The following EXT2 variants were observed in gnomAD, a reference collection of about 807,000 sequenced individuals.
EXT2 encodes the protein exostosin-2.
EXT2 carries 53 observed loss-of-function variants against 81.6 expected under a neutral mutation model. The observed-to-expected ratio is 0.65, with a 90% confidence interval of 0.52 to 0.82. EXT2 has a LOEUF of 0.82. Ranked by LOEUF, EXT2 falls within the 40% of genes least tolerant of loss-of-function variation. The pLI, the probability that EXT2 is intolerant of heterozygous loss-of-function variation, is 0.00. For synonymous variants in EXT2, 320 were observed against 340.0 expected (o/e 0.94, Z 0.65); for missense variants, 774 against 910.2 (o/e 0.85, Z 1.93).
intron 8 of EXT2, 72 bp from the exon 9 acceptor site, chr11:44,197,755 GTT>G: frequency 6.6e-7 from 1 of 1,518,020 alleles, no homozygotes; most frequent in African/African-American, 1.4e-5. Context: ...CCATGTTTGG[GTT>G]TGCTGACGAT....
In EXT2 at chr11:44,119,161, T is replaced by C. The variant is rs1281581754; in HGVS notation, c.743+4860T>C. 8.5e-4 allele frequency among the ~76,000 whole-genome samples: 40 copies of C among 46,922 alleles called. 1 individual carries two copies. Among genetic ancestry groups the C allele is most frequent in the African/African-American group, 2.4e-3 (39 of 15,922 alleles). 30.8% of individuals were successfully genotyped at this position (46,922 alleles called of 152,430 possible). ...ATATATATATATATATATATATATA[T>C]ATATATATACACATACACACACACA... On this transcript the variant is annotated intron_variant, in intron 4 of 13. Transcript: ENST00000533608.
intron 7 of EXT2, among the ~76,000 whole-genome samples, chr11:44,165,917 G>A (rs1245429798): frequency 6.6e-6 from 1 of 152,178 alleles, no homozygotes; most frequent in African/African-American, 2.4e-5. Flanking sequence ...TAGGAGTCAT[G>A]GATTTGGATT....
At chr11:44,239,399 T>TTC (rs2135273987) in intron 13 of EXT2, among the ~76,000 whole-genome samples, 1 of 148,984 alleles carries the variant, frequency 6.7e-6, no homozygotes, top group East Asian at 2.0e-4. Flanking sequence ...TATACTTTTT[T>TTC]TTTTTTTTTT....
At chr11:44,150,744 G>A (rs1954781530) in intron 7 of EXT2, among the ~76,000 whole-genome samples, 1 of 152,178 alleles carries the variant, frequency 6.6e-6, no homozygotes, top group Non-Finnish European at 1.5e-5. Flanking sequence ...GGACACATGG[G>A]CCTTACTCTA....
chr11:44,120,606 A>G (rs1954302361), intron 4 of EXT2, among the ~76,000 whole-genome samples: 1 of 152,236 alleles, frequency 6.6e-6, no homozygotes, highest in South Asian at 2.1e-4. Context: ...ATCTCATGGC[A>G]GTGTTTTGGG....
chr11:44,176,316 G>A, intron 8 of EXT2, among the ~76,000 whole-genome samples: 1 of 152,062 alleles, frequency 6.6e-6, no homozygotes, highest in East Asian at 1.9e-4. Context: ...AGGTAGGCTA[G>A]GAAAAATAGA....
rs1956128923 is a variant in EXT2, at chr11:44,250,367, C to T, written c.*6080C>T. Among the ~76,000 whole-genome samples the T allele has an allele frequency of 6.6e-6, 1 of 152,260 alleles. No individual in the cohort carries two copies. Among genetic ancestry groups the T allele is most frequent in the Admixed American group, 6.5e-5 (1 of 15,282 alleles). ...TCCCTTGACCATGCCTTAGTTTCCT[C>T]AGCCAGAAATTGGAGACAGCAAGAG... On this transcript the variant is annotated 3_prime_UTR_variant, in exon 14 of 14. Coordinates refer to ENST00000533608, the MANE Select transcript of EXT2 (RefSeq NM_207122.2).
rs146603543 is a variant in EXT2 at position 44,231,430 on chromosome 11, T to C, written c.1663-923T>C. ...TTAGGTTTGTTTATCCAGGTGGAGA[T>C]ATTAACTAAGTGGTTGGCTATCTTA... On this transcript the variant is annotated intron_variant, in intron 10 of 13. Coordinates refer to ENST00000533608, the MANE Select transcript of EXT2 (RefSeq NM_207122.2). 5.9e-5 allele frequency among the ~76,000 whole-genome samples: 9 copies of C among 152,318 alleles called. No individual in the cohort carries two copies. The East Asian group carries it at 1.7e-3, about 29-fold the overall frequency.
chr11:44,200,983 G>A (rs1955515314), intron 9 of EXT2, among the ~76,000 whole-genome samples: 1 of 152,162 alleles, frequency 6.6e-6, no homozygotes, highest in African/African-American at 2.4e-5. Context: ...CTGGACTAAA[G>A]CTCATACTGT....
intron 6 of EXT2, among the ~76,000 whole-genome samples, chr11:44,128,754 G>T (rs1954445970): frequency 6.6e-6 from 1 of 152,198 alleles, no homozygotes. Context: ...GAGATAACCA[G>T]CTCTCTCACT....
intron 13 of EXT2, among the ~76,000 whole-genome samples, chr11:44,242,382 C>T (rs1389470730): frequency 6.6e-6 from 1 of 152,162 alleles, no homozygotes; most frequent in Non-Finnish European, 1.5e-5. Context: ...CATCTTTTCC[C>T]AGTCTCCCTT....
intron 8 of EXT2, among the ~76,000 whole-genome samples, chr11:44,183,122 A>G (rs183760698): frequency 3.4e-4 from 52 of 152,358 alleles, no homozygotes; most frequent in African/African-American, 8.9e-4. Flanking sequence ...TGTGTTCTCA[A>G]TGTATCATAT....
intron 11 of EXT2, among the ~76,000 whole-genome samples, 168 bp downstream of exon 11, chr11:44,232,664 G>A (rs1158975457): frequency 2.0e-5 from 3 of 152,118 alleles, no homozygotes; most frequent in Non-Finnish European, 2.9e-5. Flanking sequence ...AGTAATGCAC[G>A]CTCATAGTAG....
intron 7 of EXT2, among the ~76,000 whole-genome samples, chr11:44,152,013 T>G (rs1241634667): frequency 6.6e-6 from 1 of 152,228 alleles, no homozygotes; most frequent in African/African-American, 2.4e-5. Context: ...TCTATGTATG[T>G]TCTTTGGTAA....
intron 7 of EXT2, among the ~76,000 whole-genome samples, chr11:44,165,120 C>T (rs537801088): frequency 5.4e-4 from 82 of 152,176 alleles, no homozygotes; most frequent in African/African-American, 1.9e-3. Context: ...CCTCGTGATC[C>T]GCCCGCCTCG....
rs148198292 is a variant in EXT2, at chr11:44,132,908, C to T, written c.1173+2770C>T. Among the ~76,000 whole-genome samples the T allele has an allele frequency of 8.8e-3, 1,341 of 152,276 alleles. 23 individuals are homozygous for T. Among genetic ancestry groups the T allele is most frequent in the African/African-American group, 0.03 (1,247 of 41,542 alleles). ...AAATGACCTCTTTTCTTTTCCTAAC[C>T]CCACATTTCTAGAGTGGGCTGATCT... is the stretch of plus-strand genomic sequence containing the variant. On this transcript the variant is annotated intron_variant, in intron 7 of 13. Transcript: ENST00000533608.
In EXT2 at chr11:44,244,410, A is replaced by T; in HGVS notation, c.*123A>T. The T allele has an allele frequency of 9.5e-7, 1 of 1,053,176 alleles. No homozygotes were observed. 65.2% of individuals were successfully genotyped at this position (1,053,176 alleles called of 1,614,324 possible). On this transcript the variant is annotated 3_prime_UTR_variant, in exon 14 of 14. Coordinates refer to ENST00000533608, the MANE Select transcript of EXT2 (RefSeq NM_207122.2). ...AAGGTTGACCTACTTGGATCTTGGC[A>T]TGCACCCACCTAACCCACTTTCTCA... is the stretch of plus-strand genomic sequence containing the variant.
At position 44,249,478 on chromosome 11, in the gene EXT2, C is replaced by G. The variant is rs1564993681; in HGVS notation, c.*5191C>G. On this transcript the variant is annotated 3_prime_UTR_variant, in exon 14 of 14. Coordinates refer to ENST00000533608, the MANE Select transcript of EXT2 (RefSeq NM_207122.2). Reference sequence around the variant, plus strand: ...CAAAGCCCCATCTTGTGGACAACCTCTCAGGAATTGCAGGTGGTGTGGGAG... The same window carrying G: ...CAAAGCCCCATCTTGTGGACAACCTGTCAGGAATTGCAGGTGGTGTGGGAG... Among the ~76,000 whole-genome samples, 1 of 152,220 alleles carries G rather than the reference C, an allele frequency of 6.6e-6. No individual in the cohort carries two copies. The highest frequency in any genetic ancestry group is 6.5e-5 in the Admixed American group (1 of 15,284).
intron 10 of EXT2, among the ~76,000 whole-genome samples, chr11:44,229,020 C>T (rs1373666467): frequency 6.6e-6 from 1 of 152,060 alleles, no homozygotes; most frequent in Non-Finnish European, 1.5e-5. Context: ...TTGGATGCCC[C>T]CTCCCCATGC....
Sources: gnomAD v4.1 joint callset for allele counts (sites outside exome capture counted in the v4.1 genomes callset) on GRCh38, gnomAD v4.1.1 for gene constraint, MANE v1.5 for transcripts, NCBI Gene and HGNC (gene_info 2026-07-23, HGNC 2026-07-21) for gene names.